Variants in RNF180 observed in about 807,000 individuals in gnomAD.
The protein encoded by RNF180 is ring finger protein 180.
In RNF180, 38 loss-of-function variants were observed where a neutral mutation model predicts 59.2. The observed-to-expected ratio is 0.64, with a 90% CI of 0.50 to 0.84. The LOEUF (loss-of-function observed/expected upper bound fraction) is 0.84, where lower values mean the gene tolerates loss of function less well. Ranked by LOEUF, RNF180 falls within the 40% of genes least tolerant of loss-of-function variation. RNF180 has a pLI of 0.00. For synonymous variants in RNF180, 262 were observed against 240.3 expected (o/e 1.09, Z -0.84); for missense variants, 705 against 700.9 (o/e 1.01, Z -0.07).
chr5:64,295,326 C>A (rs1251988041), intron 5 of RNF180, among the ~76,000 whole-genome samples: 1 of 152,152 alleles, frequency 6.6e-6, no homozygotes, highest in East Asian at 1.9e-4. Flanking sequence ...TCTGTTGCCA[C>A]TGAAGCATGA....
At chr5:64,202,209 A>AG (rs1751790381) in intron 2 of RNF180, among the ~76,000 whole-genome samples, 1 of 152,146 alleles carries the variant, frequency 6.6e-6, no homozygotes, top group Non-Finnish European at 1.5e-5. Context: ...ACCATAGTCT[A>AG]GGTTTGCTTG....
chr5:64,321,392 CA>C (rs970499978), intron 5 of RNF180, among the ~76,000 whole-genome samples: 12 of 152,102 alleles, frequency 7.9e-5, no homozygotes, highest in African/African-American at 2.2e-4. Flanking sequence ...GACAAACAGC[CA>C]AATCATGAAT....
In RNF180 at chr5:64,195,196, C is replaced by G. The variant is rs989871962; in HGVS notation, c.1-5612C>G. ...CCATGATCTTATCCTCACCAGTTAT[C>G]CTAGTGACAAATGTACATATTGGGG... On this transcript the variant is annotated intron_variant, in intron 1 of 7. Transcript: ENST00000389100. Among the ~76,000 whole-genome samples, 6 of 152,206 alleles carry G rather than the reference C, an allele frequency of 3.9e-5. No individual in the cohort carries two copies. In the East Asian group the frequency reaches 9.6e-4, roughly 24 times the overall value.
rs898592678 is a variant in RNF180, at chr5:64,330,339, C to G, written c.1512C>G (p.Ser504Arg). 1.3e-6 allele frequency: 2 copies of G among 1,541,318 alleles called. No individual in the cohort carries two copies. Among genetic ancestry groups the G allele is most frequent in the Admixed American group, 4.0e-5 (2 of 49,994 alleles). Residue 504 changes from serine to arginine, a missense_variant, in exon 7 of 8, where the codon AGC becomes AGG. Ser to Arg is a moderately radical substitution (Grantham distance 110). Transcript: ENST00000389100. ...AAGAATATTTGAAAATAAAACAAAG[C>G]TTTCAGAAATCCAACTCTGCAAAAT... is the stretch of plus-strand genomic sequence containing the variant. ...FTKEYLKIKQ[S>R]FQKSNSAKWP... is the part of the protein sequence containing the mutation.
At chr5:64,237,089 C>T (rs1197271836) in intron 5 of RNF180, among the ~76,000 whole-genome samples, 1 of 152,232 alleles carries the variant, frequency 6.6e-6, no homozygotes, top group Non-Finnish European at 1.5e-5. Flanking sequence ...AAGAGGGCCA[C>T]TGTCCTCCAG....
Position 64,372,362 on chromosome 5 carries a change from T to G in RNF180, c.*2548T>G. 1 of 151,776 alleles carries G rather than the reference T, an allele frequency of 6.6e-6. No homozygotes were observed. The highest frequency in any genetic ancestry group is 1.5e-5 in the Non-Finnish European group (1 of 67,820). The allele number at this position is 151,776 out of a possible 1,614,324, so 9.4% of individuals were successfully genotyped here. On this transcript the variant is annotated 3_prime_UTR_variant, in exon 8 of 8. Coordinates refer to ENST00000389100, the MANE Select transcript of RNF180 (RefSeq NM_001113561.2). ...ATCAGAATTTATATTTTACAAAGCT[T>G]CTACCACTCTGAATCAACAAAATCA... is the stretch of plus-strand genomic sequence containing the variant.
In RNF180 at chr5:64,319,329, A is replaced by G. The variant is rs551826958; in HGVS notation, c.1228-5857A>G. 3.3e-5 allele frequency among the ~76,000 whole-genome samples: 5 copies of G among 152,322 alleles called. No homozygotes were observed. In the East Asian group the frequency reaches 7.7e-4, roughly 23 times the overall value. ...TATTTCATTTAAAAAAATAATTTCT[A>G]TAGAAGACACCACTGGGAAAATTGG... On this transcript the variant is annotated intron_variant, in intron 5 of 7. Coordinates refer to ENST00000389100, the MANE Select transcript of RNF180 (RefSeq NM_001113561.2).
At chr5:64,212,197 C>T (rs1276279738) in intron 3 of RNF180, 37 bp downstream of exon 3, 2 of 1,198,780 alleles carry the variant, frequency 1.7e-6, no homozygotes, top group Non-Finnish European at 2.5e-6. Flanking sequence ...TAAGAATATA[C>T]AACCTTCAGA....
At chr5:64,326,109 G>T (rs1429069180) in intron 6 of RNF180, among the ~76,000 whole-genome samples, 1 of 152,082 alleles carries the variant, frequency 6.6e-6, no homozygotes, top group Admixed American at 6.6e-5. Flanking sequence ...GCCAAATGAG[G>T]ATCTGAGTAT....
At chr5:64,224,104 T>TAC (rs1554033345) in intron 5 of RNF180, among the ~76,000 whole-genome samples, 4 of 149,472 alleles carry the variant, frequency 2.7e-5, no homozygotes, top group Non-Finnish European at 5.9e-5. Flanking sequence ...TGTGTGTGTG[T>TAC]ACATACATAT....
chr5:64,230,176 A>G (rs1270356044), intron 5 of RNF180, among the ~76,000 whole-genome samples: 1 of 152,236 alleles, frequency 6.6e-6, no homozygotes, highest in African/African-American at 2.4e-5. Context: ...AATGCCAAGC[A>G]TGTATTTTAA....
At chr5:64,194,706 G>A (rs1409957162) in intron 1 of RNF180, among the ~76,000 whole-genome samples, 1 of 152,266 alleles carries the variant, frequency 6.6e-6, no homozygotes, top group African/African-American at 2.4e-5. Context: ...TCAAACTGGT[G>A]TGAGATGGTA....
chr5:64,209,303 A>G (rs1046575553), intron 2 of RNF180, among the ~76,000 whole-genome samples: 37 of 152,046 alleles, frequency 2.4e-4, no homozygotes, highest in African/African-American at 7.5e-4. Context: ...TTCATAAAGC[A>G]TTTCCAAAAT....
At chr5:64,333,156 GGTTTTATTTTTATTTTT>G (rs1744984631) in intron 7 of RNF180, among the ~76,000 whole-genome samples, 1 of 152,074 alleles carries the variant, frequency 6.6e-6, no homozygotes, top group Admixed American at 6.5e-5. Flanking sequence ...GGTATAGATA[GGTTTTATTTTTATTTTT>G]TACTCATTTA....
intron 7 of RNF180, among the ~76,000 whole-genome samples, chr5:64,359,117 C>A (rs1373247690): frequency 5.3e-4 from 80 of 151,460 alleles, no homozygotes; most frequent in African/African-American, 1.9e-3. Context: ...GTCTTTATAG[C>A]AGCATGATTT....
intron 5 of RNF180, among the ~76,000 whole-genome samples, chr5:64,279,136 C>T (rs1441069986): frequency 1.3e-5 from 2 of 152,064 alleles, no homozygotes; most frequent in Non-Finnish European, 2.9e-5. Flanking sequence ...AGGGAAAAGC[C>T]AGAAAAACAA....
chr5:64,299,993 A>G (rs1353050630), intron 5 of RNF180, among the ~76,000 whole-genome samples: 1 of 151,764 alleles, frequency 6.6e-6, no homozygotes, highest in African/African-American at 2.4e-5. Context: ...CCTGCCCATT[A>G]GTCACTTAGT....
chr5:64,336,220 ATT>A (rs1417408894), intron 7 of RNF180, among the ~76,000 whole-genome samples: 1 of 152,124 alleles, frequency 6.6e-6, no homozygotes, highest in Non-Finnish European at 1.5e-5. Context: ...TAGAATGTAT[ATT>A]GTTTCTGCAC....
At chr5:64,167,156 A>C (rs182580973) in intron 1 of RNF180, among the ~76,000 whole-genome samples, 90 of 152,360 alleles carry the variant, frequency 5.9e-4, no homozygotes, top group African/African-American at 2.1e-3. Flanking sequence ...CAATGGCAGA[A>C]ACTCTAAATA....
Sources: gnomAD v4.1 joint callset for allele counts (sites outside exome capture counted in the v4.1 genomes callset) on GRCh38, gnomAD v4.1.1 for gene constraint, MANE v1.5 for transcripts, NCBI Gene and HGNC (gene_info 2026-07-23, HGNC 2026-07-21) for gene names.